Variants in EFCAB8 observed in about 807,000 individuals in gnomAD.
The protein encoded by EFCAB8 is EF-hand calcium binding domain 8, also known as EF-hand calcium-binding domain-containing protein 8.
A neutral mutation model predicts 116.3 loss-of-function variants in EFCAB8; 100 were observed. The ratio of observed to expected loss-of-function variants is 0.86; its 90% confidence interval spans 0.73 to 1.02. The LOEUF is 1.02. Among genes scored for constraint, EFCAB8 ranks in the 50% least tolerant of loss-of-function variants. The probability of loss-of-function intolerance (pLI) is 0.00; values close to 1 mark genes in which losing one functional copy is unlikely to be tolerated. For synonymous variants in EFCAB8, 558 were observed against 567.9 expected (o/e 0.98, Z 0.25); for missense variants, 1,320 against 1,416.9 (o/e 0.93, Z 1.10).
At chr20:32,877,276 T>G (rs555675632) in intron 4 of EFCAB8, among the ~76,000 whole-genome samples, 2 of 144,462 alleles carry the variant, frequency 1.4e-5, no homozygotes, top group Non-Finnish European at 3.0e-5. Flanking sequence ...TGGCACGATC[T>G]TGGCTCTTTG....
chr20:32,929,578 G>A (rs998001769), intron 20 of EFCAB8, among the ~76,000 whole-genome samples: 1 of 141,786 alleles, frequency 7.1e-6, no homozygotes, highest in Non-Finnish European at 1.5e-5. Flanking sequence ...CTGGGCTCAA[G>A]TGATTCACCC....
At chr20:32,885,374 A>ATGTGCGTGCG (rs1453751360) in intron 5 of EFCAB8, 131 bp from the exon 6 acceptor site, 3 of 1,228,516 alleles carry the variant, frequency 2.4e-6, no homozygotes, top group Non-Finnish European at 3.4e-6. Flanking sequence ...TGGCGTGCGC[A>ATGTGCGTGCG]TGTGCGTGCG....
chr20:32,891,278 A>G (rs149495008), intron 7 of EFCAB8, among the ~76,000 whole-genome samples: 127 of 152,144 alleles, frequency 8.3e-4, no homozygotes, highest in African/African-American at 3.0e-3. Context: ...TGAAAAAAAA[A>G]TATTGAATTC....
intron 23 of EFCAB8, among the ~76,000 whole-genome samples, chr20:32,952,708 G>C (rs775910348): frequency 6.6e-5 from 10 of 152,154 alleles, no homozygotes; most frequent in Non-Finnish European, 1.3e-4. Flanking sequence ...ACTTTTATCA[G>C]TGTATCACTT....
intron 2 of EFCAB8, among the ~76,000 whole-genome samples, chr20:32,864,558 G>A (rs1984291316): frequency 6.6e-6 from 1 of 152,060 alleles, no homozygotes; most frequent in African/African-American, 2.4e-5. Context: ...CTTATCCTGG[G>A]CAACAGAGCG....
At chr20:32,919,013 C>A (rs1987329601) in intron 19 of EFCAB8, among the ~76,000 whole-genome samples, 1 of 152,208 alleles carries the variant, frequency 6.6e-6, no homozygotes, top group African/African-American at 2.4e-5. Context: ...AGACAAACCA[C>A]TTTCCTCCTC....
At position 32,959,531 on chromosome 20, in the gene EFCAB8, C is replaced by T. The variant is rs567334302; in HGVS notation, c.3090-247C>T. Among the ~76,000 whole-genome samples, 4 of 152,260 alleles carry T rather than the reference C, an allele frequency of 2.6e-5. No homozygotes were observed. In the East Asian group the frequency reaches 7.7e-4, roughly 29 times the overall value. Reference sequence around the variant, plus strand: ...GTCCAGATAAAGCCAGATCGGGTGTCAGGTCTGCATGGTGGAGAGGACAGA... The same window carrying T: ...GTCCAGATAAAGCCAGATCGGGTGTTAGGTCTGCATGGTGGAGAGGACAGA... On this transcript the variant is annotated intron_variant, in intron 24 of 26. Coordinates refer to ENST00000400522, the MANE Select transcript of EFCAB8 (RefSeq NM_001143967.2).
In EFCAB8 at chr20:32,896,471, T is replaced by C. The variant is rs761761008; in HGVS notation, c.901T>C (p.Ser301Pro). The stretch of plus-strand genomic sequence containing the variant: ...CCTATCAGATCACTGGATCAAAGTT[T>C]CCTTGCAGAAACTCTTAAATGAGAA... ...ASKWDHWIKVSLQKLLNEKSA... is the reference protein window; with the variant it reads ...ASKWDHWIKVPLQKLLNEKSA... Residue 301 changes from serine to proline, a missense_variant, in exon 10 of 27, where the codon TCC becomes CCC. Transcript: ENST00000400522. The C allele has an allele frequency of 2.1e-5, 15 of 718,988 alleles. No homozygotes were observed. Among genetic ancestry groups the C allele is most frequent in the Non-Finnish European group, 3.4e-5 (13 of 385,168 alleles). The allele number at this position is 718,988 out of a possible 1,614,324, so 44.5% of individuals were successfully genotyped here. A position where few individuals can be genotyped will look rare whatever the true frequency, so the allele number is the denominator to read the frequency against.
In EFCAB8 at chr20:32,880,726, A is replaced by C. The variant is rs536402784; in HGVS notation, c.431+1919A>C. 5.4e-4 allele frequency among the ~76,000 whole-genome samples: 75 copies of C among 139,450 alleles called. 1 individual carries two copies. The highest frequency in any genetic ancestry group is 1.1e-3 in the Admixed American group (16 of 14,078). 91.5% of individuals were successfully genotyped at this position (139,450 alleles called of 152,430 possible). A position where few individuals can be genotyped will look rare whatever the true frequency, so the allele number is the denominator to read the frequency against. On this transcript the variant is annotated intron_variant, in intron 5 of 26. Transcript: ENST00000400522. ...GATGAACAGATGTGTAGGGCGAGGTATGGGGAGAGGGATGCACAAGCTTCA... is the reference window on the plus strand; with the variant it reads ...GATGAACAGATGTGTAGGGCGAGGTCTGGGGAGAGGGATGCACAAGCTTCA...
intron 16 of EFCAB8, 86 bp from the exon 17 acceptor site, chr20:32,912,708 G>C: frequency 1.4e-6 from 1 of 704,270 alleles, no homozygotes; most frequent in Non-Finnish European, 2.6e-6. Flanking sequence ...TTGACTTCTT[G>C]CTTGGCACCT....
Position 32,959,925 on chromosome 20 carries a change from G to T in EFCAB8, c.3237G>T (p.Glu1079Asp), listed in dbSNP as rs751758636. Residue 1079 changes from glutamate to aspartate, a missense_variant, in exon 25 of 27, where the codon GAG becomes GAT. Physicochemically the swap from Glu to Asp is conservative, Grantham distance 45. Coordinates refer to ENST00000400522, the MANE Select transcript of EFCAB8 (RefSeq NM_001143967.2). Reference sequence around the variant, plus strand: ...CCCTGATGTCCCCGTGGGCCGGAGAGCGCCCCCTGGAAGACATTGAGGACA... The same window carrying T: ...CCCTGATGTCCCCGTGGGCCGGAGATCGCCCCCTGGAAGACATTGAGGACA... Reference protein sequence around the residue: ...KMALMSPWAGERPLEDIEDSW... With the variant: ...KMALMSPWAGDRPLEDIEDSW... 1.9e-6 allele frequency: 3 copies of T among 1,551,714 alleles called. No homozygotes were observed. The highest frequency in any genetic ancestry group is 2.0e-5 in the Admixed American group (1 of 51,012).
intron 9 of EFCAB8, 48 bp from the exon 10 acceptor site, chr20:32,896,406 C>G (rs776784073): frequency 1.9e-4 from 133 of 710,208 alleles, no homozygotes; most frequent in Non-Finnish European, 1.3e-4. Flanking sequence ...GCTTGCCAAG[C>G]GAAGGGGGAA....
intron 20 of EFCAB8, among the ~76,000 whole-genome samples, chr20:32,926,826 C>G (rs1417305057): frequency 1.4e-5 from 2 of 146,960 alleles, no homozygotes; most frequent in Admixed American, 1.4e-4. Context: ...CATGTCCCTA[C>G]AAAGGACATG....
At chr20:32,892,883 C>T (rs1985985911) in intron 8 of EFCAB8, among the ~76,000 whole-genome samples, 1 of 150,918 alleles carries the variant, frequency 6.6e-6, no homozygotes, top group African/African-American at 2.4e-5. Context: ...CTCTGTGTCC[C>T]AGGCTGGAGT....
intron 13 of EFCAB8, 38 bp from the exon 14 acceptor site, chr20:32,908,230 CCCCGAGA>C: frequency 2.4e-6 from 3 of 1,248,312 alleles, no homozygotes; most frequent in Non-Finnish European, 3.0e-6. Context: ...CCGGCTACAT[CCCCGAGA>C]CCCATGCTCA....
In EFCAB8 at chr20:32,959,811, C is replaced by T. The variant is rs1408535273; in HGVS notation, c.3123C>T (p.Tyr1041=). The change falls in exon 25 of 27, where the codon TAC becomes TAT. Residue 1041 remains tyrosine (Y), a synonymous_variant. Transcript: ENST00000400522. ...EQRDLAEALI[Y]QRREQAALMA... is the part of the protein sequence containing the mutation. Reference sequence around the variant, plus strand: ...GGGATCTGGCTGAGGCCCTGATATACCAGCGGCGAGAGCAGGCGGCGCTGA... The same window carrying T: ...GGGATCTGGCTGAGGCCCTGATATATCAGCGGCGAGAGCAGGCGGCGCTGA... 1 of 1,524,420 alleles carries T rather than the reference C, an allele frequency of 6.6e-7. No individual in the cohort carries two copies. Among genetic ancestry groups the T allele is most frequent in the Non-Finnish European group, 8.8e-7 (1 of 1,131,876 alleles). 94.4% of individuals were successfully genotyped at this position (1,524,420 alleles called of 1,614,324 possible). A position where few individuals can be genotyped will look rare whatever the true frequency, so the allele number is the denominator to read the frequency against.
chr20:32,909,919 G>A lies in EFCAB8; in HGVS notation c.1545G>A (p.Lys515=). The part of the protein sequence containing the change: ...CSPLCAVLYS[K]IFKQVVSGCL... ...CCCTGTGTGCTGTCCTCTACAGCAA[G>A]ATCTTTAAGCAGGTGAGTGGCCCAG... Residue 515 remains lysine, a synonymous_variant, in exon 15 of 27, where the codon AAG becomes AAA. Coordinates refer to ENST00000400522, the MANE Select transcript of EFCAB8 (RefSeq NM_001143967.2). 1 of 1,249,478 alleles carries A rather than the reference G, an allele frequency of 8.0e-7. No homozygotes were observed. The highest frequency in any genetic ancestry group is 1.0e-6 in the Non-Finnish European group (1 of 987,956). 77.4% of individuals were successfully genotyped at this position (1,249,478 alleles called of 1,614,324 possible). A position where few individuals can be genotyped will look rare whatever the true frequency, so the allele number is the denominator to read the frequency against.
intron 5 of EFCAB8, among the ~76,000 whole-genome samples, chr20:32,881,882 C>T (rs769431876): frequency 3.3e-5 from 5 of 152,284 alleles, no homozygotes; most frequent in Non-Finnish European, 7.4e-5. Context: ...ATTCTGACAA[C>T]GTTTTAAAAC....
rs1600476931 is a variant in EFCAB8 at position 32,961,043 on chromosome 20, AG to A, written c.3394-90del. ...CGCCTTCTTGGCATGGGAAGACCTC[AG>A]GGCGCCTCCTTCCTGTGAGTCTACT... On this transcript the variant is annotated intron_variant, in intron 26 of 26. Transcript: ENST00000400522. The A allele has an allele frequency of 6.3e-6, 7 of 1,107,276 alleles. No homozygotes were observed. The East Asian group carries it at 1.8e-4, about 28-fold the overall frequency. 68.6% of individuals were successfully genotyped at this position (1,107,276 alleles called of 1,614,324 possible).
Sources: allele counts gnomAD v4.1 joint callset (sites outside exome capture counted in the v4.1 genomes callset), GRCh38; gene constraint gnomAD v4.1.1; transcripts MANE v1.5; gene names NCBI Gene and HGNC (gene_info 2026-07-23, HGNC 2026-07-21).